The following DGKI variants were observed in gnomAD, a reference collection of about 807,000 sequenced individuals.
DGKI encodes the protein diacylglycerol kinase iota, also known as DAG kinase iota.
A neutral mutation model predicts 147.5 loss-of-function variants in DGKI; 55 were observed. The ratio of observed to expected loss-of-function variants is 0.37; its 90% CI spans 0.30 to 0.47. The LOEUF (loss-of-function observed/expected upper bound fraction) is 0.47, where lower values mean the gene tolerates loss of function less well. Among genes scored for constraint, DGKI ranks in the 20% least tolerant of loss-of-function variants. The pLI is 1.00. For synonymous variants in DGKI, 469 were observed against 477.1 expected, an observed-to-expected ratio of 0.98 and a Z score of 0.22; for missense variants, 1,007 against 1,323.8, an observed-to-expected ratio of 0.76 and a Z score of 3.71.
intron 24 of DGKI, among the ~76,000 whole-genome samples, chr7:137,468,090 C>G (rs187852357): frequency 2.0e-5 from 3 of 151,322 alleles, no homozygotes; most frequent in African/African-American, 7.3e-5. Flanking sequence ...ACAAAACAAA[C>G]AGCACAAGAA....
intron 1 of DGKI, among the ~76,000 whole-genome samples, chr7:137,697,183 C>G (rs145621757): frequency 1.3e-5 from 2 of 152,318 alleles, no homozygotes; most frequent in African/African-American, 4.8e-5. Flanking sequence ...AGCAAATACA[C>G]ATACTTCAAA....
chr7:137,622,133 A>G (rs1049049033), intron 7 of DGKI, among the ~76,000 whole-genome samples: 4 of 152,102 alleles, frequency 2.6e-5, no homozygotes, highest in African/African-American at 7.2e-5. Context: ...ATGCAGCGAC[A>G]CTGAGCTTTC....
At chr7:137,499,884 G>A (rs1816108691) in intron 21 of DGKI, among the ~76,000 whole-genome samples, 1 of 152,000 alleles carries the variant, frequency 6.6e-6, no homozygotes, top group African/African-American at 2.4e-5. Context: ...AGAGAACCTG[G>A]ACTAACACAC....
At chr7:137,440,532 C>T (rs943571261) in intron 28 of DGKI, among the ~76,000 whole-genome samples, 1 of 152,070 alleles carries the variant, frequency 6.6e-6, no homozygotes, top group Non-Finnish European at 1.5e-5. Context: ...GGGACATGGC[C>T]GATAAAAGAG....
chr7:137,793,766 T>C (rs1796941560), intron 1 of DGKI, among the ~76,000 whole-genome samples: 1 of 152,192 alleles, frequency 6.6e-6, no homozygotes, highest in South Asian at 2.1e-4. Context: ...AAGATCCACA[T>C]ATCTGGAAGA....
intron 1 of DGKI, among the ~76,000 whole-genome samples, chr7:137,733,899 C>G (rs1794952350): frequency 6.6e-6 from 1 of 152,098 alleles, no homozygotes; most frequent in East Asian, 1.9e-4. Flanking sequence ...AAACGATGAC[C>G]ACCCTCCAAT....
chr7:137,626,053 G>A (rs1216788882), intron 6 of DGKI, among the ~76,000 whole-genome samples: 1 of 152,198 alleles, frequency 6.6e-6, no homozygotes, highest in Non-Finnish European at 1.5e-5. Context: ...TCTCCTGGGA[G>A]AGGACTCTTG....
rs1418692460 is a variant in DGKI at position 137,388,222 on chromosome 7, G to A, written c.*2998C>T. On this transcript the variant is annotated 3_prime_UTR_variant, in exon 33 of 33. Transcript: ENST00000614521. ...TATTCTTTATGAAGTCCTTGAATAC[G>A]ATAAAGCACAGTTTAACTGTGTTCT... The A allele has an allele frequency of 6.6e-6, 1 of 152,128 alleles. No homozygotes were observed. Among genetic ancestry groups the A allele is most frequent in the South Asian group, 2.1e-4 (1 of 4,832 alleles). 9.4% of individuals were successfully genotyped at this position (152,128 alleles called of 1,614,324 possible).
intron 1 of DGKI, among the ~76,000 whole-genome samples, chr7:137,769,382 G>A (rs1263833997): frequency 2.0e-5 from 3 of 152,170 alleles, no homozygotes; most frequent in Non-Finnish European, 2.9e-5. Flanking sequence ...TAATCAGCAA[G>A]GGAAGATCAA....
intron 1 of DGKI, chr7:137,774,999 C>T (rs1408083870): frequency 6.6e-6 from 1 of 152,032 alleles, no homozygotes; most frequent in African/African-American, 2.4e-5. Flanking sequence ...TTCCATTCAG[C>T]AGTTTTTCCA....
intron 1 of DGKI, among the ~76,000 whole-genome samples, chr7:137,729,543 A>C (rs1338263025): frequency 6.6e-6 from 1 of 152,166 alleles, no homozygotes; most frequent in African/African-American, 2.4e-5. Flanking sequence ...AAATTTATAA[A>C]AAGAACACAG....
chr7:137,508,763 A>G (rs1375614413), intron 21 of DGKI, among the ~76,000 whole-genome samples: 1 of 152,118 alleles, frequency 6.6e-6, no homozygotes, highest in Non-Finnish European at 1.5e-5. Context: ...GTGGGTGGGT[A>G]AGAGCCTAAA....
At chr7:137,552,011 T>C (rs956965204) in intron 20 of DGKI, among the ~76,000 whole-genome samples, 1 of 152,152 alleles carries the variant, frequency 6.6e-6, no homozygotes, top group African/African-American at 2.4e-5. Flanking sequence ...GCAGGCTAAC[T>C]ATGTGCTTCC....
intron 23 of DGKI, among the ~76,000 whole-genome samples, chr7:137,483,404 G>A (rs1388612273): frequency 6.6e-6 from 1 of 152,028 alleles, no homozygotes; most frequent in Non-Finnish European, 1.5e-5. Context: ...AATTGTTAGA[G>A]ATCAGCTCTT....
intron 28 of DGKI, among the ~76,000 whole-genome samples, chr7:137,414,114 C>T (rs1812266591): frequency 6.6e-6 from 1 of 151,974 alleles, no homozygotes; most frequent in Non-Finnish European, 1.5e-5. Context: ...ACATAGAGTC[C>T]CCAGCTGTCA....
At position 137,466,959 on chromosome 7, in the gene DGKI, G is replaced by T. The variant is rs977347555; in HGVS notation, c.2444-17C>A. On this transcript the variant is annotated splice_polypyrimidine_tract_variant and intron_variant, in intron 24 of 32. Transcript: ENST00000614521. ...CAGAAGTTGCTAGGGGAAAAAAAAT[G>T]CAGATGGCATTCAGAATGTTCTGTA... is the stretch of plus-strand genomic sequence containing the variant. 8.7e-6 allele frequency: 14 copies of T among 1,613,734 alleles called. No individual in the cohort carries two copies. In the South Asian group the frequency reaches 1.5e-4, roughly 18 times the overall value.
At chr7:137,760,005 T>C (rs1390832143) in intron 1 of DGKI, among the ~76,000 whole-genome samples, 1 of 151,812 alleles carries the variant, frequency 6.6e-6, no homozygotes, top group African/African-American at 2.4e-5. Context: ...AACAGAAAAA[T>C]ATATGTACCC....
chr7:137,492,171 C>A (rs1815787546), intron 21 of DGKI, among the ~76,000 whole-genome samples: 1 of 152,136 alleles, frequency 6.6e-6, no homozygotes, highest in African/African-American at 2.4e-5. Context: ...CTCAGAACTT[C>A]CAGGCAGCTT....
At chr7:137,780,090 T>C (rs1796474813) in intron 1 of DGKI, among the ~76,000 whole-genome samples, 1 of 152,354 alleles carries the variant, frequency 6.6e-6, no homozygotes, top group South Asian at 2.1e-4. Flanking sequence ...TTGGTTTCCA[T>C]AGTAGTCCTG....
Sources: allele counts gnomAD v4.1 joint callset (sites outside exome capture counted in the v4.1 genomes callset), GRCh38; gene constraint gnomAD v4.1.1; transcripts MANE v1.5; gene names NCBI Gene and HGNC (gene_info 2026-07-23, HGNC 2026-07-21).